MYBPC3: variants seen among roughly 807,000 people sequenced by gnomAD.
The protein encoded by MYBPC3 is myosin-binding protein C, cardiac-type.
MYBPC3 carries 108 observed loss-of-function variants against 159.3 expected under a neutral mutation model. The observed-to-expected ratio is 0.68, with a 90% CI of 0.58 to 0.80. The LOEUF (loss-of-function observed/expected upper bound fraction) is 0.80, where lower values mean the gene tolerates loss of function less well. Among genes scored for constraint, MYBPC3 ranks in the 30% least tolerant of loss-of-function variants. The pLI, the probability that MYBPC3 is intolerant of heterozygous loss-of-function variation, is 0.00. For missense variants in MYBPC3, 1,631 were observed against 1,762.1 expected (o/e 0.93, Z 1.33); for synonymous variants, 730 against 702.0 (o/e 1.04, Z -0.63).
intron 25 of MYBPC3, 34 bp downstream of exon 25, chr11:47,337,357 G>C (rs1200807448): frequency 9.1e-6 from 14 of 1,536,550 alleles, no homozygotes; most frequent in Non-Finnish European, 3.5e-6. Flanking sequence ...ACTGGGGAGG[G>C]GGCGGGGGGC....
At chr11:47,347,596 T>A (rs1024039267) in intron 8 of MYBPC3, 55 bp downstream of exon 8, 1 of 1,562,094 alleles carries the variant, frequency 6.4e-7, no homozygotes, top group African/African-American at 1.4e-5. Flanking sequence ...CTCCCACCCG[T>A]CTCAGACCCC....
At position 47,332,210 on chromosome 11, in the gene MYBPC3, G is replaced by C; in HGVS notation, c.3676C>G (p.Arg1226Gly). 1 of 1,613,834 alleles carries C rather than the reference G, an allele frequency of 6.2e-7. No individual in the cohort carries two copies. Among genetic ancestry groups the C allele is most frequent in the South Asian group, 1.1e-5 (1 of 91,084 alleles). The part of the protein sequence containing the change: ...KNGLDLGEDA[R>G]FRMFSKQGVL... ...CCCTGCTTGCTGAACATGCGGAAGC[G>C]GGCGTCTTCTCCCAGGTCCAGGCCA... The change falls in exon 33 of 35, where the codon CGC (arginine) becomes GGC (glycine). Residue 1226 changes from arginine (R) to glycine (G), a missense_variant. Coordinates refer to ENST00000545968, the MANE Select transcript of MYBPC3 (RefSeq NM_000256.3). This position sits in a 1 kb window ranked among gnomAD's most constrained non-coding sequence, Gnocchi z 4.2.
intron 1 of MYBPC3, among the ~76,000 whole-genome samples, chr11:47,352,293 G>A (rs1334139888): frequency 6.6e-6 from 1 of 152,100 alleles, no homozygotes; most frequent in Non-Finnish European, 1.5e-5. Flanking sequence ...GGCTCTGTCC[G>A]CGGGGAACCT....
At chr11:47,334,663 C>T (rs913470620) in intron 27 of MYBPC3, among the ~76,000 whole-genome samples, 7 of 152,056 alleles carry the variant, frequency 4.6e-5, no homozygotes, top group South Asian at 2.1e-4. Context: ...CGGGTCCAAG[C>T]GATTCTTCTG....
Position 47,347,869 on chromosome 11 carries a change from G to A in MYBPC3, c.809C>T (p.Ala270Val), listed in dbSNP as rs1334351467. The A allele has an allele frequency of 1.3e-6, 2 of 1,569,354 alleles. No individual in the cohort carries two copies. The highest frequency in any genetic ancestry group is 2.4e-5 in the South Asian group (2 of 85,070). ...GATGGCCACTCACGTGCGGCGGAAG[G>A]CTGATAGGAGGTCCAGGTCTCCGGT... The part of the protein sequence containing the change: ...MGTGDLDLLS[A>V]FRRTSLAGGG... Residue 270 changes from alanine to valine, a missense_variant, in exon 7 of 35, where the codon GCC becomes GTC. Ala to Val is a moderately conservative substitution (Grantham distance 64, BLOSUM62 0). Transcript: ENST00000545968.
Position 47,331,726 on chromosome 11 carries a change from A to G in MYBPC3, c.*27-10T>C. The G allele has an allele frequency of 9.2e-7, 1 of 1,086,960 alleles. No homozygotes were observed. The highest frequency in any genetic ancestry group is 1.3e-6 in the Non-Finnish European group (1 of 773,206). 67.3% of individuals were successfully genotyped at this position (1,086,960 alleles called of 1,614,324 possible). A position where few individuals can be genotyped will look rare whatever the true frequency, so the allele number is the denominator to read the frequency against. On this transcript the variant is annotated splice_polypyrimidine_tract_variant and intron_variant, in intron 34 of 34. Transcript: ENST00000545968. ...TGGCATCCGGTTGTACCTGCAACACAGGTTATCTTACGAGTGAATGGAGGG... is the reference window on the plus strand; with the variant it reads ...TGGCATCCGGTTGTACCTGCAACACGGGTTATCTTACGAGTGAATGGAGGG...
Position 47,350,086 on chromosome 11 carries a change from GAC to G in MYBPC3, c.431_432del (p.Gly144AlafsTer8), listed in dbSNP as rs397516047. The stretch of plus-strand genomic sequence containing the variant: ...GGGTCATCGGGGGCTCCAGGGGTAG[GAC>G]CATTGAGAGCTGCTGAGCTTGACCC... ...PKGSSSAALN[G>X]PTPGAPDDPI... On this transcript the variant is annotated frameshift_variant, in exon 4 of 35. Transcript: ENST00000545968. LOFTEE classifies it high-confidence loss of function. The G allele has an allele frequency of 6.4e-7, 1 of 1,558,976 alleles. No individual in the cohort carries two copies. The highest frequency in any genetic ancestry group is 8.7e-7 in the Non-Finnish European group (1 of 1,151,168).
In MYBPC3 at chr11:47,341,988, C is replaced by T. The variant is rs1021477405; in HGVS notation, c.1790+3G>A. The T allele has an allele frequency of 1.9e-6, 3 of 1,556,900 alleles. No individual in the cohort carries two copies. In the South Asian group the frequency reaches 3.5e-5, roughly 18 times the overall value. On this transcript the variant is annotated splice_donor_region_variant and intron_variant, in intron 18 of 34. Coordinates refer to ENST00000545968, the MANE Select transcript of MYBPC3 (RefSeq NM_000256.3). ...GTCCCATCCACCTGCCCTGCACACT[C>T]ACCGCCCGATGTGGGACACCTTTAT... is the stretch of plus-strand genomic sequence containing the variant.
intron 28 of MYBPC3, 52 bp from the exon 29 acceptor site, chr11:47,333,804 C>CGCCA: frequency 6.4e-7 from 1 of 1,550,672 alleles, no homozygotes; most frequent in Non-Finnish European, 8.7e-7. Flanking sequence ...AAGGGCCGGC[C>CGCCA]GCCACCCCAG....
chr11:47,349,982 C>T, intron 4 of MYBPC3, 32 bp downstream of exon 4: 1 of 1,561,486 alleles, frequency 6.4e-7, no homozygotes, highest in Non-Finnish European at 8.7e-7. Context: ...CCCCTTCCCA[C>T]CCCAATGCTG....
At position 47,336,013 on chromosome 11, in the gene MYBPC3, T is replaced by C. The variant is rs1419155559; in HGVS notation, c.2603-2A>G. On this transcript the variant is annotated splice_acceptor_variant, in intron 25 of 34. Coordinates refer to ENST00000545968, the MANE Select transcript of MYBPC3 (RefSeq NM_000256.3). LOFTEE classifies it high-confidence loss of function. ...GGTGGGTGGGTTCGCTGGGGGGACCTGGGCAGAGGAGAGGTCAGAGAGGGG... is the reference window on the plus strand; with the variant it reads ...GGTGGGTGGGTTCGCTGGGGGGACCCGGGCAGAGGAGAGGTCAGAGAGGGG... The C allele has an allele frequency of 1.3e-6, 2 of 1,510,480 alleles. No homozygotes were observed. Among genetic ancestry groups the C allele is most frequent in the Admixed American group, 4.1e-5 (2 of 48,628 alleles). 93.6% of individuals were successfully genotyped at this position (1,510,480 alleles called of 1,614,324 possible).
intron 18 of MYBPC3, among the ~76,000 whole-genome samples, chr11:47,341,462 T>G (rs2095888517): frequency 6.6e-6 from 1 of 152,258 alleles, no homozygotes; most frequent in African/African-American, 2.4e-5. Flanking sequence ...CATCAAAGCA[T>G]CTCCTTGGCT....
chr11:47,344,126 C>T, intron 12 of MYBPC3, among the ~76,000 whole-genome samples: 1 of 152,236 alleles, frequency 6.6e-6, no homozygotes, highest in Middle Eastern at 3.2e-3. Flanking sequence ...TTGTCTCTGT[C>T]TGTCTGACCT....
rs1555120359 is a variant in MYBPC3, at chr11:47,332,838, C to T, written c.3466G>A (p.Glu1156Lys). 6.2e-7 allele frequency: 1 copy of T among 1,607,546 alleles called. No homozygotes were observed. The highest frequency in any genetic ancestry group is 8.5e-7 in the Non-Finnish European group (1 of 1,177,068). Residue 1156 changes from glutamate to lysine, a missense_variant, in exon 31 of 35, where the codon GAG becomes AAG. Coordinates refer to ENST00000545968, the MANE Select transcript of MYBPC3 (RefSeq NM_000256.3). This position sits in a 1 kb window ranked among gnomAD's most constrained non-coding sequence, Gnocchi z 4.2. ...GFSDRAATTK[E>K]PVFIPRPGIT... ...CCTGGTCTGGGGATAAAGACGGGCTCCTTGGTGGTGGCCGCTCTGTCACTA... is the reference window on the plus strand; with the variant it reads ...CCTGGTCTGGGGATAAAGACGGGCTTCTTGGTGGTGGCCGCTCTGTCACTA...
intron 18 of MYBPC3, 146 bp downstream of exon 18, chr11:47,341,845 G>C: frequency 1.9e-6 from 2 of 1,076,128 alleles, no homozygotes; most frequent in Non-Finnish European, 2.6e-6. Context: ...CCTCTCTGTG[G>C]GTCTCTGTCT....
rs2095894459 is a variant in MYBPC3 at position 47,346,634 on chromosome 11, T to G, written c.919A>C (p.Thr307Pro). 6.3e-7 allele frequency: 1 copy of G among 1,578,874 alleles called. No homozygotes were observed. Among genetic ancestry groups the G allele is most frequent in the Non-Finnish European group, 8.6e-7 (1 of 1,161,830 alleles). ...SLLKKRDSFRTPRDSKLEAPA... is the reference protein window; with the variant it reads ...SLLKKRDSFRPPRDSKLEAPA... ...GCTATGTTGGGCACTCACCTCGGGG[T>G]CCGGAAACTGCTGCTCCAGGGGTGG... is the stretch of plus-strand genomic sequence containing the variant. Residue 307 changes from threonine to proline, a missense_variant, in exon 11 of 35, where the codon ACC becomes CCC. By Grantham distance (38) the Thr-to-Pro change is conservative. Coordinates refer to ENST00000545968, the MANE Select transcript of MYBPC3 (RefSeq NM_000256.3). This position sits in a 1 kb window ranked among gnomAD's most constrained non-coding sequence, Gnocchi z 5.3.
chr11:47,337,751 T>C lies in MYBPC3; in HGVS notation c.2352A>G (p.Gly784=), dbSNP rs746858516. 1 of 1,556,746 alleles carries C rather than the reference T, an allele frequency of 6.4e-7. No individual in the cohort carries two copies. The highest frequency in any genetic ancestry group is 8.7e-7 in the Non-Finnish European group (1 of 1,150,144). The part of the protein sequence containing the change: ...APAAPKISNV[G]EDSCTVQWEP... ...CCCACTGTACTGTGCAGGAGTCCTC[T>C]CCCACGTTGCTGATCTTGGGGGCCG... The change falls in exon 24 of 35, where the codon GGA becomes GGG. Residue 784 remains glycine (G), a synonymous_variant. Coordinates refer to ENST00000545968, the MANE Select transcript of MYBPC3 (RefSeq NM_000256.3).
In MYBPC3 at chr11:47,343,271, C is replaced by T. The variant is rs1478181929; in HGVS notation, c.1224-9G>A. The stretch of plus-strand genomic sequence containing the variant: ...AGAGGGGAACTTACTTGCTGTAGAA[C>T]AGAAGGGGCCGTTGAAGTGTTCCCG... On this transcript the variant is annotated splice_polypyrimidine_tract_variant and intron_variant, in intron 13 of 34. Transcript: ENST00000545968. 1 of 1,556,112 alleles carries T rather than the reference C, an allele frequency of 6.4e-7. No individual in the cohort carries two copies.
rs970845959 is a variant in MYBPC3 at position 47,335,949 on chromosome 11, T to G, written c.2665A>C (p.Lys889Gln). The change falls in exon 26 of 35, where the codon AAG (lysine) becomes CAG (glutamine). Residue 889 changes from lysine (K) to glutamine (Q), a missense_variant. By Grantham distance (53) the Lys-to-Gln change is moderately conservative. Coordinates refer to ENST00000545968, the MANE Select transcript of MYBPC3 (RefSeq NM_000256.3). ...EDVSDTTVSL[K>Q]WRPPERVGAG... ...CCCACGCGCTCTGGGGGCCGCCACT[T>G]GAGGGAGACCGTGGTGTCAGAGACG... The G allele has an allele frequency of 3.8e-6, 6 of 1,567,606 alleles. No homozygotes were observed. The highest frequency in any genetic ancestry group is 4.3e-6 in the Non-Finnish European group (5 of 1,157,694).
Sources: gnomAD v4.1 joint callset for allele counts (sites outside exome capture counted in the v4.1 genomes callset) on GRCh38, gnomAD v4.1.1 for gene constraint, Gnocchi (gnomAD v3.1) non-coding constraint, MANE v1.5 for transcripts, NCBI Gene and HGNC (gene_info 2026-07-23, HGNC 2026-07-21) for gene names.